Variants in PPARGC1A observed in about 807,000 individuals in gnomAD.
PPARGC1A encodes the protein peroxisome proliferator-activated receptor gamma coactivator 1-alpha.
PPARGC1A carries 25 observed loss-of-function variants against 88.7 expected under a neutral mutation model. The ratio of observed to expected loss-of-function variants is 0.28; its 90% CI spans 0.21 to 0.39. The LOEUF is 0.39. Among genes scored for constraint, PPARGC1A ranks in the 10% least tolerant of loss-of-function variants. The probability of loss-of-function intolerance (pLI) is 1.00; values close to 1 mark genes in which losing one functional copy is unlikely to be tolerated. For missense variants in PPARGC1A, 880 were observed against 968.7 expected, an observed-to-expected ratio of 0.91 and a Z score of 1.22; for synonymous variants, 363 against 355.6, an observed-to-expected ratio of 1.02 and a Z score of -0.24.
At chr4:24,026,534 A>G in the PPARGC1A span, among the ~76,000 whole-genome samples, 1 of 152,088 alleles carries the variant, frequency 6.6e-6, no homozygotes, top group African/African-American at 2.4e-5. Flanking sequence ...CTCTTTCTAA[A>G]TCAGTACTCA....
At chr4:24,394,580 A>G in the PPARGC1A span, among the ~76,000 whole-genome samples, 1 of 152,260 alleles carries the variant, frequency 6.6e-6, no homozygotes, top group Non-Finnish European at 1.5e-5. Context: ...CAAGCATCTT[A>G]ACTAAAGTAA....
chr4:24,147,240 A>G, the PPARGC1A span, among the ~76,000 whole-genome samples: 2 of 152,162 alleles, frequency 1.3e-5, no homozygotes, highest in Non-Finnish European at 2.9e-5. Context: ...GCAGAGGCAA[A>G]TTGTCACATA....
chr4:24,128,505 C>G, the PPARGC1A span, among the ~76,000 whole-genome samples: 1 of 150,026 alleles, frequency 6.7e-6, no homozygotes, highest in Non-Finnish European at 1.5e-5. Context: ...GCTCCCAGGG[C>G]TGAAATCAAC....
the PPARGC1A span, among the ~76,000 whole-genome samples, chr4:23,984,057 T>C: frequency 1.3e-5 from 2 of 152,252 alleles, no homozygotes; most frequent in East Asian, 3.9e-4. Context: ...ATGTGTATTT[T>C]TCTTCAAAAA....
the PPARGC1A span, among the ~76,000 whole-genome samples, chr4:24,017,329 T>G: frequency 1.3e-5 from 2 of 152,152 alleles, no homozygotes; most frequent in Non-Finnish European, 2.9e-5. Context: ...TAACACTGTA[T>G]GTGAAATTAG....
the PPARGC1A span, among the ~76,000 whole-genome samples, chr4:24,098,989 C>A: frequency 2.6e-5 from 4 of 152,122 alleles, no homozygotes; most frequent in African/African-American, 9.7e-5. Flanking sequence ...CTAATACTGG[C>A]CTTTCCAGTA....
intron 2 of PPARGC1A, chr4:23,881,359 G>A (rs921892308): frequency 2.0e-5 from 3 of 152,134 alleles, no homozygotes; most frequent in Non-Finnish European, 4.4e-5. Flanking sequence ...AACATTGTTT[G>A]CGTGTCCAGT....
chr4:24,380,907 G>A, the PPARGC1A span, among the ~76,000 whole-genome samples: 1 of 151,686 alleles, frequency 6.6e-6, no homozygotes, highest in Non-Finnish European at 1.5e-5. Flanking sequence ...CAGGCTGCAT[G>A]GATTAGTAAG....
intron 2 of PPARGC1A, among the ~76,000 whole-genome samples, chr4:23,844,634 A>AAT (rs1446847348): frequency 1.2e-4 from 5 of 42,616 alleles, no homozygotes; most frequent in South Asian, 6.8e-4. Flanking sequence ...AATATATAAT[A>AAT]ATATATATCA....
chr4:24,092,458 T>C, the PPARGC1A span, among the ~76,000 whole-genome samples: 2 of 152,130 alleles, frequency 1.3e-5, no homozygotes, highest in Non-Finnish European at 2.9e-5. Flanking sequence ...TTTTTAATGC[T>C]CTCCAGATGC....
the PPARGC1A span, among the ~76,000 whole-genome samples, chr4:23,969,076 T>C: frequency 6.6e-6 from 1 of 152,150 alleles, no homozygotes; most frequent in African/African-American, 2.4e-5. Context: ...GATTCTAATT[T>C]TCCTGACGAG....
chr4:24,264,468 G>C, the PPARGC1A span, among the ~76,000 whole-genome samples: 5 of 152,238 alleles, frequency 3.3e-5, no homozygotes. Flanking sequence ...GTGCTGAAGG[G>C]CATGAGCTTT....
the PPARGC1A span, among the ~76,000 whole-genome samples, chr4:23,989,621 C>T: frequency 6.6e-6 from 1 of 152,116 alleles, no homozygotes; most frequent in East Asian, 1.9e-4. Flanking sequence ...ATTGCTTTTA[C>T]TTTTCATCAC....
the PPARGC1A span, among the ~76,000 whole-genome samples, chr4:23,969,782 G>T: frequency 6.6e-6 from 1 of 152,070 alleles, no homozygotes; most frequent in Non-Finnish European, 1.5e-5. Flanking sequence ...CACACACGTT[G>T]GGAGTTCCAG....
chr4:23,980,930 G>A, the PPARGC1A span, among the ~76,000 whole-genome samples: 1 of 152,078 alleles, frequency 6.6e-6, no homozygotes, highest in Non-Finnish European at 1.5e-5. Flanking sequence ...ATAAGGTCCT[G>A]GGTGACCGTG....
the PPARGC1A span, among the ~76,000 whole-genome samples, chr4:23,984,595 A>G: frequency 2.6e-5 from 4 of 152,142 alleles, no homozygotes; most frequent in African/African-American, 7.2e-5. Flanking sequence ...AAAAATTGTC[A>G]TATTAAGAAG....
chr4:24,343,267 C>T, the PPARGC1A span, among the ~76,000 whole-genome samples: 30 of 152,270 alleles, frequency 2.0e-4, no homozygotes, highest in Admixed American at 5.9e-4. Flanking sequence ...CCTTCTAAAA[C>T]TCATGTGGAA....
the PPARGC1A span, among the ~76,000 whole-genome samples, chr4:24,374,385 C>T: frequency 8.0e-4 from 121 of 151,928 alleles, no homozygotes; most frequent in South Asian, 0.024. Flanking sequence ...TGGGGAACAT[C>T]GCACATTGGG....
At chr4:23,947,134 G>C in the PPARGC1A span, among the ~76,000 whole-genome samples, 5 of 151,888 alleles carry the variant, frequency 3.3e-5, no homozygotes, top group African/African-American at 9.7e-5. Context: ...TCACCTCACT[G>C]AGAGAATTTG....
Sources: allele counts gnomAD v4.1 joint callset (sites outside exome capture counted in the v4.1 genomes callset), GRCh38; gene constraint gnomAD v4.1.1; transcripts MANE v1.5; gene names NCBI Gene and HGNC (gene_info 2026-07-23, HGNC 2026-07-21).